Variants in NOTCH1 observed in about 807,000 individuals in gnomAD.
NOTCH1 encodes the protein neurogenic locus notch homolog protein 1.
In NOTCH1, 37 loss-of-function variants were observed where a neutral mutation model predicts 254.8. The observed-to-expected ratio is 0.15, with a 90% confidence interval of 0.11 to 0.19. The LOEUF (loss-of-function observed/expected upper bound fraction) is 0.19. Ranked by LOEUF, NOTCH1 falls within the 10% of genes least tolerant of loss-of-function variation. The pLI is 1.00. For synonymous variants in NOTCH1, 1,731 were observed against 1,618.1 expected (o/e 1.07, Z -1.68); for missense variants, 2,972 against 3,708.6 (o/e 0.80, Z 5.16).
intron 30 of NOTCH1, among the ~76,000 whole-genome samples, chr9:136,501,390 T>C (rs1293984436): frequency 1.3e-5 from 2 of 148,658 alleles, no homozygotes; most frequent in Non-Finnish European, 3.0e-5. Context: ...GCCGAGATCG[T>C]GCCACTGCAC....
intron 31 of NOTCH1, among the ~76,000 whole-genome samples, chr9:136,499,746 C>T (rs988790848): frequency 6.6e-6 from 1 of 152,152 alleles, no homozygotes; most frequent in Non-Finnish European, 1.5e-5. Context: ...TGCTCACTGG[C>T]GGGTGCAAAA....
Position 136,496,515 on chromosome 9 carries a change from C to A in NOTCH1, c.7224G>T (p.Leu2408=). The A allele has an allele frequency of 6.2e-7, 1 of 1,604,196 alleles. No homozygotes were observed. The highest frequency in any genetic ancestry group is 8.5e-7 in the Non-Finnish European group (1 of 1,179,926). The change falls in exon 34 of 34, where the codon CTG becomes CTT. Residue 2408 remains leucine (L), a synonymous_variant. Coordinates refer to ENST00000651671, the MANE Select transcript of NOTCH1 (RefSeq NM_017617.5). ...GCTGTGGTGGTGGTGGTGGCGGCTG[C>A]AGGCTTTGCTGCTGCTGGATGTTTG... is the stretch of plus-strand genomic sequence containing the variant. The part of the protein sequence containing the change: ...QPANIQQQQS[L]QPPPPPPQPH...
intron 2 of NOTCH1, among the ~76,000 whole-genome samples, chr9:136,539,569 AG>A (rs1843702416): frequency 6.6e-6 from 1 of 152,122 alleles, no homozygotes. Context: ...TTGTATTTTT[AG>A]TAGAGACGGG....
intron 10 of NOTCH1, 67 bp downstream of exon 10, chr9:136,515,914 A>G (rs752135839): frequency 1.5e-6 from 2 of 1,351,944 alleles, no homozygotes; most frequent in Non-Finnish European, 2.1e-6. Context: ...TGACCTTGTC[A>G]GTTTCACTGC....
chr9:136,536,576 A>C (rs1843660805), intron 2 of NOTCH1, among the ~76,000 whole-genome samples: 1 of 152,160 alleles, frequency 6.6e-6, no homozygotes, highest in African/African-American at 2.4e-5. Flanking sequence ...CCGCTGCCCC[A>C]GCCACCGCCG....
intron 33 of NOTCH1, 54 bp from the exon 34 acceptor site, chr9:136,497,612 C>T: frequency 6.8e-7 from 1 of 1,461,250 alleles, no homozygotes; most frequent in Non-Finnish European, 9.2e-7. Flanking sequence ...CGTGGGGACC[C>T]TCCCCAAGGT....
intron 3 of NOTCH1, 145 bp downstream of exon 3, chr9:136,523,572 G>A (rs377109335): frequency 6.8e-6 from 7 of 1,032,924 alleles, no homozygotes; most frequent in Admixed American, 4.8e-5. Context: ...GGTCTGGGAG[G>A]GGGGCAGGGA....
chr9:136,527,348 C>A (rs1488092604), intron 2 of NOTCH1, among the ~76,000 whole-genome samples: 4 of 152,260 alleles, frequency 2.6e-5, no homozygotes, highest in Non-Finnish European at 1.5e-5. Context: ...CTGGCCACAC[C>A]CCCGGTACCC....
intron 2 of NOTCH1, among the ~76,000 whole-genome samples, chr9:136,527,488 G>A (rs910010445): frequency 6.6e-6 from 1 of 152,348 alleles, no homozygotes; most frequent in East Asian, 1.9e-4. Flanking sequence ...GGGCTTCCAT[G>A]AGTGACCCGC....
At position 136,496,020 on chromosome 9, in the gene NOTCH1, A is replaced by G. The variant is rs2133313391; in HGVS notation, c.*51T>C. 1 of 1,564,728 alleles carries G rather than the reference A, an allele frequency of 6.4e-7. No individual in the cohort carries two copies. Among genetic ancestry groups the G allele is most frequent in the Non-Finnish European group, 8.6e-7 (1 of 1,161,224 alleles). The stretch of plus-strand genomic sequence containing the variant: ...GCCCTGGCATCCACAGAGCGCACAC[A>G]GACGCCCGAAGGCTTGGGAAAGGAA... On this transcript the variant is annotated 3_prime_UTR_variant, in exon 34 of 34. Transcript: ENST00000651671.
At chr9:136,501,655 C>T (rs945201610) in intron 30 of NOTCH1, 93 bp downstream of exon 30, 4 of 1,482,086 alleles carry the variant, frequency 2.7e-6, no homozygotes, top group African/African-American at 1.4e-5. Flanking sequence ...TTCTAAGTTT[C>T]CAGAGTATCA....
Position 136,508,449 on chromosome 9 carries a change from G to A in NOTCH1, c.3172-64C>T, listed in dbSNP as rs1215386236. The A allele has an allele frequency of 1.1e-5, 17 of 1,607,798 alleles. 1 individual carries two copies. The highest frequency in any genetic ancestry group is 5.5e-5 in the South Asian group (5 of 90,986). On this transcript the variant is annotated intron_variant, in intron 19 of 33. Coordinates refer to ENST00000651671, the MANE Select transcript of NOTCH1 (RefSeq NM_017617.5). ...GGCCATTTCCCCGGTAGCTCAGAAC[G>A]CACATCTGCCAAGGGGCCTACTCCA...
intron 33 of NOTCH1, 114 bp downstream of exon 33, chr9:136,498,785 C>T: frequency 3.2e-6 from 4 of 1,266,160 alleles, no homozygotes; most frequent in Non-Finnish European, 4.6e-6. Flanking sequence ...GGCCCAGCGA[C>T]CCTCGAGACC....
Position 136,543,728 on chromosome 9 carries a change from T to C in NOTCH1, c.140+296A>G, listed in dbSNP as rs140896606. The C allele has an allele frequency of 5.0e-4, 272 of 544,832 alleles. 2 individuals are homozygous for C. Among genetic ancestry groups the C allele is most frequent in the African/African-American group, 3.8e-3 (202 of 52,870 alleles). 33.7% of individuals were successfully genotyped at this position (544,832 alleles called of 1,614,324 possible). On this transcript the variant is annotated intron_variant, in intron 2 of 33. Transcript: ENST00000651671. ...TTCCCCTGGCAGATCAACTGTTTCT[T>C]GGGGACTTAAAGAAGAATTGGGGTA...
In NOTCH1 at chr9:136,510,765, G is replaced by T. The variant is rs770888728; in HGVS notation, c.2628C>A (p.Ser876Arg). ...GGCAGGATGCGCCGTGCCGGCACGG[G>T]CTCAGAACGCACTCGTTGATGTCGA... is the stretch of plus-strand genomic sequence containing the variant. ...CEVDINECVL[S>R]PCRHGASCQN... The change falls in exon 17 of 34, where the codon AGC becomes AGA. Residue 876 changes from serine (S) to arginine (R), a missense_variant. Ser to Arg is a moderately radical substitution (Grantham distance 110). Coordinates refer to ENST00000651671, the MANE Select transcript of NOTCH1 (RefSeq NM_017617.5). 1.1e-5 allele frequency: 17 copies of T among 1,610,354 alleles called. No individual in the cohort carries two copies. Among genetic ancestry groups the T allele is most frequent in the Non-Finnish European group, 1.4e-5 (17 of 1,179,876 alleles).
At chr9:136,505,135 T>G in intron 25 of NOTCH1, 31 bp from the exon 26 acceptor site, 1 of 1,593,686 alleles carries the variant, frequency 6.3e-7, no homozygotes, top group Non-Finnish European at 8.5e-7. Flanking sequence ...TCAGGCCGCC[T>G]TCCTCGGGGG....
At chr9:136,524,639 C>CTTTTTTTTT (rs869128901) in intron 2 of NOTCH1, among the ~76,000 whole-genome samples, 2 of 54,414 alleles carry the variant, frequency 3.7e-5, no homozygotes, top group Non-Finnish European at 6.5e-5. Context: ...TTTTTCTTTT[C>CTTTTTTTTT]TTTTTTTTTT....
rs1322054624 is a variant in NOTCH1, at chr9:136,504,861, T to G, written c.4830A>C (p.Ala1610=). The G allele has an allele frequency of 1.9e-6, 3 of 1,582,576 alleles. No individual in the cohort carries two copies. Among genetic ancestry groups the G allele is most frequent in the Non-Finnish European group, 2.6e-6 (3 of 1,164,936 alleles). Residue 1610 remains alanine, a synonymous_variant, in exon 26 of 34, where the codon GCA becomes GCC. Transcript: ENST00000651671. ...AGGGGAAGATCATCTGCTGGCCGTG[T>G]GCGTCACGCTTGAAGACCACGTTGG... ...LHTNVVFKRD[A]HGQQMIFPYY... is the part of the protein sequence containing the mutation.
At chr9:136,533,338 G>A (rs755569362) in intron 2 of NOTCH1, among the ~76,000 whole-genome samples, 3 of 55,274 alleles carry the variant, frequency 5.4e-5, no homozygotes, top group South Asian at 9.9e-4. Context: ...CTGAAAAGCC[G>A]TCAGGGAAAC....
Sources: allele counts gnomAD v4.1 joint callset (sites outside exome capture counted in the v4.1 genomes callset), GRCh38; gene constraint gnomAD v4.1.1; transcripts MANE v1.5; gene names NCBI Gene and HGNC (gene_info 2026-07-23, HGNC 2026-07-21).